Variants in GALNT7 observed in about 807,000 individuals in gnomAD.
The protein encoded by GALNT7 is N-acetylgalactosaminyltransferase 7.
Under a neutral mutation model 82.1 loss-of-function variants are expected in GALNT7, and 60 were observed. The ratio of observed to expected loss-of-function variants is 0.73; its 90% CI spans 0.59 to 0.91. GALNT7 has a LOEUF of 0.91. Ranked by LOEUF, GALNT7 falls within the 40% of genes least tolerant of loss-of-function variation. The pLI, the probability that GALNT7 is intolerant of heterozygous loss-of-function variation, is 0.00. For missense variants in GALNT7, 660 were observed against 804.2 expected (o/e 0.82, Z 2.17); for synonymous variants, 243 against 275.1 (o/e 0.88, Z 1.15).
chr4:173,317,036 C>T (rs903930841), intron 9 of GALNT7: 1 of 152,380 alleles, frequency 6.6e-6, no homozygotes, highest in Admixed American at 6.5e-5. Flanking sequence ...AATAGTATAG[C>T]GATTTATAAT....
At chr4:173,293,207 C>G (rs1736603314) in intron 3 of GALNT7, among the ~76,000 whole-genome samples, 1 of 152,002 alleles carries the variant, frequency 6.6e-6, no homozygotes, top group African/African-American at 2.4e-5. Context: ...TATTTAGCAT[C>G]CTAAAATAAC....
chr4:173,312,981 C>T (rs1001465349), intron 8 of GALNT7, among the ~76,000 whole-genome samples: 18 of 152,040 alleles, frequency 1.2e-4, no homozygotes, highest in Non-Finnish European at 4.4e-5. Flanking sequence ...ATCGCTTGAA[C>T]CTGGGAGGCA....
intron 1 of GALNT7, 126 bp from the exon 2 acceptor site, chr4:173,247,854 C>T (rs191890203): frequency 8.2e-6 from 5 of 606,950 alleles, no homozygotes; most frequent in South Asian, 4.2e-5. Context: ...ATTAATGGCC[C>T]GCTTGTATTC....
intron 8 of GALNT7, among the ~76,000 whole-genome samples, chr4:173,304,672 C>T (rs1010111630): frequency 1.3e-5 from 2 of 151,850 alleles, no homozygotes; most frequent in African/African-American, 4.8e-5. Flanking sequence ...AGTTTTGTGT[C>T]CTTTGACCAA....
chr4:173,182,048 C>T (rs999078706), intron 1 of GALNT7, among the ~76,000 whole-genome samples: 1 of 152,140 alleles, frequency 6.6e-6, no homozygotes, highest in African/African-American at 2.4e-5. Context: ...TAACTGGTAA[C>T]AGTAAGATAA....
chr4:173,232,262 T>C (rs1441232802), intron 1 of GALNT7, among the ~76,000 whole-genome samples: 1 of 151,838 alleles, frequency 6.6e-6, no homozygotes, highest in Non-Finnish European at 1.5e-5. Context: ...AGGGAGACTT[T>C]CAGTCTCTTA....
intron 9 of GALNT7, chr4:173,317,375 T>A (rs1354215376): frequency 7.1e-6 from 2 of 281,770 alleles, no homozygotes; most frequent in Non-Finnish European, 1.3e-5. Context: ...AATGGTAACT[T>A]TTTTTTTCTC....
chr4:173,263,200 A>G lies in GALNT7; in HGVS notation c.587+14760A>G, dbSNP rs192521522. On this transcript the variant is annotated intron_variant, in intron 2 of 11. Transcript: ENST00000265000. Reference sequence around the variant, plus strand: ...AAATCTGTGGATCATACTTTGAAAAAGCCGCTGCTATAGATTTTAGAATGA... The same window carrying G: ...AAATCTGTGGATCATACTTTGAAAAGGCCGCTGCTATAGATTTTAGAATGA... 9.5e-4 allele frequency among the ~76,000 whole-genome samples: 144 copies of G among 152,154 alleles called. No individual in the cohort carries two copies. In the Middle Eastern group the frequency reaches 0.01, roughly 11 times the overall value.
chr4:173,257,061 A>C (rs986318683), intron 2 of GALNT7, among the ~76,000 whole-genome samples: 10 of 152,128 alleles, frequency 6.6e-5, no homozygotes, highest in African/African-American at 2.4e-4. Context: ...ACATTTACAC[A>C]TGTAGATCTT....
chr4:173,295,831 T>C lies in GALNT7; in HGVS notation c.953T>C (p.Ile318Thr), dbSNP rs1238485157. The C allele has an allele frequency of 6.3e-7, 1 of 1,590,278 alleles. No homozygotes were observed. The highest frequency in any genetic ancestry group is 2.2e-5 in the East Asian group (1 of 44,754). The part of the protein sequence containing the change: ...VNWYAPLVAP[I>T]SKDRTICTVP... ...TGGTATGCACCACTTGTAGCTCCCA[T>C]ATCTAAGGACAGGTAACATTACCTT... Residue 318 changes from isoleucine to threonine, a missense_variant, in exon 5 of 12, where the codon ATA becomes ACA. Transcript: ENST00000265000.
chr4:173,311,533 C>T (rs956708519), intron 8 of GALNT7, among the ~76,000 whole-genome samples: 3 of 152,102 alleles, frequency 2.0e-5, no homozygotes, highest in Non-Finnish European at 4.4e-5. Context: ...GGGAGCAAGG[C>T]GTCTCACCTG....
chr4:173,202,441 G>C (rs908737791), intron 1 of GALNT7, among the ~76,000 whole-genome samples: 7 of 152,168 alleles, frequency 4.6e-5, no homozygotes, highest in Non-Finnish European at 8.8e-5. Flanking sequence ...ATGGAGCTGA[G>C]AAATCACCGA....
intron 1 of GALNT7, among the ~76,000 whole-genome samples, chr4:173,242,456 T>C (rs960763371): frequency 1.3e-5 from 2 of 152,168 alleles, no homozygotes; most frequent in African/African-American, 4.8e-5. Context: ...TACTTGGAAA[T>C]GGGTCCTTTC....
chr4:173,179,035 A>G (rs1732166144), intron 1 of GALNT7, among the ~76,000 whole-genome samples: 2 of 152,246 alleles, frequency 1.3e-5, no homozygotes, highest in South Asian at 4.1e-4. Flanking sequence ...CTCAGTGATT[A>G]TCTGGCTTAA....
At chr4:173,245,096 T>C (rs1463994769) in intron 1 of GALNT7, among the ~76,000 whole-genome samples, 1 of 151,894 alleles carries the variant, frequency 6.6e-6, no homozygotes, top group Admixed American at 6.6e-5. Context: ...ACTATAAAAC[T>C]GGTCACTGAG....
intron 2 of GALNT7, among the ~76,000 whole-genome samples, chr4:173,266,891 G>GTGTGTA: frequency 6.7e-6 from 1 of 149,426 alleles, no homozygotes; most frequent in Non-Finnish European, 1.5e-5. Context: ...GTGTGTGTGT[G>GTGTGTA]TGTGTGTGTG....
chr4:173,310,015 C>T (rs1737320340), intron 8 of GALNT7, among the ~76,000 whole-genome samples: 1 of 152,138 alleles, frequency 6.6e-6, no homozygotes, highest in Non-Finnish European at 1.5e-5. Flanking sequence ...ACAAACTACC[C>T]AGTAAGTGTG....
rs57706796 is a variant in GALNT7, at chr4:173,310,097, A to G, written c.1390-3861A>G. On this transcript the variant is annotated intron_variant, in intron 8 of 11. Transcript: ENST00000265000. ...CTTTTCTCCAGTTTTGACAGCATCT[A>G]CTTGAGCCATCAGGGGGCCAGTGGC... Among the ~76,000 whole-genome samples, 4 of 152,310 alleles carry G rather than the reference A, an allele frequency of 2.6e-5. No homozygotes were observed. The East Asian group carries it at 7.7e-4, about 29-fold the overall frequency.
intron 9 of GALNT7, among the ~76,000 whole-genome samples, chr4:173,314,758 T>C (rs528521167): frequency 6.6e-5 from 10 of 152,346 alleles, no homozygotes; most frequent in African/African-American, 2.2e-4. Flanking sequence ...ACATTGTCAT[T>C]TCTTTGTTTA....
Sources: gnomAD v4.1 joint callset for allele counts (sites outside exome capture counted in the v4.1 genomes callset) on GRCh38, gnomAD v4.1.1 for gene constraint, MANE v1.5 for transcripts, NCBI Gene and HGNC (gene_info 2026-07-23, HGNC 2026-07-21) for gene names.